Variants in CACUL1 observed in about 807,000 individuals in gnomAD.
The protein encoded by CACUL1 is CDK2 associated cullin domain 1.
Under a neutral mutation model 45.2 loss-of-function variants are expected in CACUL1, and 13 were observed. The observed-to-expected ratio is 0.29, with a 90% CI of 0.19 to 0.46. CACUL1 has a LOEUF of 0.46. CACUL1 is among the 20% of genes least tolerant of loss of function. CACUL1 has a pLI of 1.00. For synonymous variants in CACUL1, 197 were observed against 174.2 expected, an observed-to-expected ratio of 1.13 and a Z score of -1.03; for missense variants, 421 against 471.4, an observed-to-expected ratio of 0.89 and a Z score of 0.99.
chr10:118,754,916 G>A lies in CACUL1; in HGVS notation c.-154C>T. The A allele has an allele frequency of 9.2e-7, 1 of 1,088,940 alleles. No homozygotes were observed. Among genetic ancestry groups the A allele is most frequent in the Non-Finnish European group, 1.3e-6 (1 of 793,560 alleles). The allele number at this position is 1,088,940 out of a possible 1,614,324, so 67.5% of individuals were successfully genotyped here. A position where few individuals can be genotyped will look rare whatever the true frequency, so the allele number is the denominator to read the frequency against. The stretch of plus-strand genomic sequence containing the variant: ...CGGTGCGCAGGGTCTCTCGCTCTCC[G>A]CGGGGCCGACTAGCTTGAAGACGCG... On this transcript the variant is annotated 5_prime_UTR_variant, in exon 1 of 9. Transcript: ENST00000369151.
intron 3 of CACUL1, among the ~76,000 whole-genome samples, chr10:118,727,104 TC>T (rs1390663922): frequency 2.6e-5 from 4 of 152,116 alleles, no homozygotes; most frequent in Admixed American, 6.5e-5. Context: ...AATACTAACA[TC>T]ACGCTGGGCA....
At chr10:118,727,127 A>C (rs1845659161) in intron 3 of CACUL1, among the ~76,000 whole-genome samples, 1 of 152,114 alleles carries the variant, frequency 6.6e-6, no homozygotes, top group Admixed American at 6.6e-5. Context: ...AGTGGTTCAC[A>C]CCTGTAATCC....
At chr10:118,742,109 G>A (rs185986013) in intron 1 of CACUL1, among the ~76,000 whole-genome samples, 68 of 152,244 alleles carry the variant, frequency 4.5e-4, no homozygotes, top group African/African-American at 1.4e-3. Context: ...ATTCAACTGT[G>A]TCTCTTCATT....
intron 1 of CACUL1, among the ~76,000 whole-genome samples, chr10:118,747,115 G>C (rs1845850223): frequency 6.6e-6 from 1 of 152,206 alleles, no homozygotes; most frequent in African/African-American, 2.4e-5. Context: ...ATGATCCGAG[G>C]TGGAACAATT....
chr10:118,708,908 T>C (rs1276636165), intron 3 of CACUL1, among the ~76,000 whole-genome samples: 2 of 152,144 alleles, frequency 1.3e-5, no homozygotes, highest in Non-Finnish European at 2.9e-5. Context: ...ACCCAGTCTA[T>C]AGTACAGTTG....
At chr10:118,689,308 A>G (rs1358097534) in intron 7 of CACUL1, among the ~76,000 whole-genome samples, 3 of 152,236 alleles carry the variant, frequency 2.0e-5, no homozygotes, top group African/African-American at 2.4e-5. Context: ...TCAGAATTAC[A>G]TATGAGAACG....
intron 1 of CACUL1, among the ~76,000 whole-genome samples, chr10:118,738,253 T>A (rs942254119): frequency 2.6e-5 from 4 of 151,874 alleles, no homozygotes; most frequent in Non-Finnish European, 4.4e-5. Flanking sequence ...GACTCAACGG[T>A]AAAAAGAACC....
intron 1 of CACUL1, among the ~76,000 whole-genome samples, chr10:118,731,040 G>A (rs898101375): frequency 3.9e-5 from 6 of 152,274 alleles, no homozygotes; most frequent in Admixed American, 1.3e-4. Flanking sequence ...GGGACCCTGC[G>A]CTGAGGCTTA....
intron 4 of CACUL1, among the ~76,000 whole-genome samples, chr10:118,704,061 G>A (rs1160552659): frequency 6.6e-6 from 1 of 151,776 alleles, no homozygotes; most frequent in African/African-American, 2.4e-5. Flanking sequence ...CAGCCTGGGT[G>A]ACAGAGCGAG....
chr10:118,728,912 G>C (rs1589614849), intron 3 of CACUL1, among the ~76,000 whole-genome samples: 1 of 152,022 alleles, frequency 6.6e-6, no homozygotes, highest in East Asian at 1.9e-4. Flanking sequence ...TAAATCAGTA[G>C]GCAAACCACT....
intron 3 of CACUL1, among the ~76,000 whole-genome samples, chr10:118,716,237 A>T (rs1050935939): frequency 6.6e-6 from 1 of 151,814 alleles, no homozygotes; most frequent in Non-Finnish European, 1.5e-5. Context: ...GTCTCAAAAA[A>T]AAAAAGAAAA....
rs142797083 is a variant in CACUL1, at chr10:118,721,174, C to T, written c.597+8121G>A. Among the ~76,000 whole-genome samples the T allele has an allele frequency of 1.2e-3, 190 of 152,224 alleles. 3 individuals are homozygous for T. The East Asian group carries it at 0.033, about 27-fold the overall frequency. On this transcript the variant is annotated intron_variant, in intron 3 of 8. Coordinates refer to ENST00000369151, the MANE Select transcript of CACUL1 (RefSeq NM_153810.5). ...AAAACACATAAAAAATTTCAAATGA[C>T]CGTACACAAGATAACCAGTTGAGTT...
At chr10:118,731,504 G>T (rs969240562) in intron 1 of CACUL1, among the ~76,000 whole-genome samples, 1 of 151,996 alleles carries the variant, frequency 6.6e-6, no homozygotes, top group Non-Finnish European at 1.5e-5. Flanking sequence ...TTATTTTACA[G>T]GACATCTGAG....
At chr10:118,736,615 T>C (rs1845743285) in intron 1 of CACUL1, among the ~76,000 whole-genome samples, 1 of 152,122 alleles carries the variant, frequency 6.6e-6, no homozygotes, top group African/African-American at 2.4e-5. Context: ...AGTGCTGGGA[T>C]TACACACGTG....
chr10:118,714,719 G>A (rs766411967), intron 3 of CACUL1, among the ~76,000 whole-genome samples: 6 of 151,970 alleles, frequency 3.9e-5, no homozygotes, highest in African/African-American at 9.7e-5. Flanking sequence ...TCTGGTATGC[G>A]GTGTCCCATT....
intron 3 of CACUL1, among the ~76,000 whole-genome samples, chr10:118,722,576 A>AT (rs1016674073): frequency 6.6e-6 from 1 of 152,188 alleles, no homozygotes; most frequent in Non-Finnish European, 1.5e-5. Flanking sequence ...AACTGTCACG[A>AT]TTATCATAGC....
chr10:118,701,446 TG>T, intron 4 of CACUL1, 38 bp from the exon 5 acceptor site: 1 of 1,205,976 alleles, frequency 8.3e-7, no homozygotes. Context: ...GTGTATTAAT[TG>T]GGGAAATGAT....
At position 118,754,457 on chromosome 10, in the gene CACUL1, CTTGGCCACGGCG is replaced by C; in HGVS notation, c.294_305del (p.Val100_Ala103del). ...AGCTGGCGGTGGGGGCGGGGGCCGC[CTTGGCCACGGCG>C]GCGGCCGCGTCGCAGCTCTTCAACA... On this transcript the variant is annotated inframe_deletion, in exon 1 of 9. Coordinates refer to ENST00000369151, the MANE Select transcript of CACUL1 (RefSeq NM_153810.5). 6.2e-7 allele frequency: 1 copy of C among 1,600,274 alleles called. No individual in the cohort carries two copies. The highest frequency in any genetic ancestry group is 8.5e-7 in the Non-Finnish European group (1 of 1,174,338).
chr10:118,720,313 C>CA (rs1331677078), intron 3 of CACUL1, among the ~76,000 whole-genome samples: 2 of 152,094 alleles, frequency 1.3e-5, no homozygotes, highest in Non-Finnish European at 2.9e-5. Flanking sequence ...GAGAAATATC[C>CA]AAAGAAGCCA....
Sources: gnomAD v4.1 joint callset for allele counts (sites outside exome capture counted in the v4.1 genomes callset) on GRCh38, gnomAD v4.1.1 for gene constraint, MANE v1.5 for transcripts, NCBI Gene and HGNC (gene_info 2026-07-23, HGNC 2026-07-21) for gene names.